GABRA6: variants seen among roughly 807,000 people sequenced by gnomAD.
GABRA6 encodes gamma-aminobutyric acid type A receptor subunit alpha6, also known as gamma-aminobutyric acid receptor subunit alpha-6.
Under a neutral mutation model 47.3 loss-of-function variants are expected in GABRA6, and 45 were observed. The ratio of observed to expected loss-of-function variants is 0.95; its 90% confidence interval spans 0.75 to 1.22. GABRA6 has a LOEUF of 1.22. Among genes scored for constraint, GABRA6 ranks in the 50% most tolerant of loss-of-function variants. GABRA6 has a pLI of 0.00. For synonymous variants in GABRA6, 219 were observed against 194.7 expected (o/e 1.12, Z -1.04); for missense variants, 583 against 549.3 (o/e 1.06, Z -0.61).
chr5:161,690,910 T>C lies in GABRA6; in HGVS notation c.826+557T>C, dbSNP rs558519952. ...CAGTGTTTTTCCTGGGTTTAATGTT[T>C]ATAAATTTAGTAGTCTCTAAGATAG... On this transcript the variant is annotated intron_variant, in intron 7 of 8. Coordinates refer to ENST00000274545, the MANE Select transcript of GABRA6 (RefSeq NM_000811.3). 3.9e-5 allele frequency among the ~76,000 whole-genome samples: 6 copies of C among 152,292 alleles called. No individual in the cohort carries two copies. The South Asian group carries it at 1.0e-3, about 26-fold the overall frequency.
At chr5:161,698,132 A>C (rs1754916790) in intron 8 of GABRA6, among the ~76,000 whole-genome samples, 2 of 152,148 alleles carry the variant, frequency 1.3e-5, no homozygotes, top group Admixed American at 1.3e-4. Context: ...GCATTTGTTT[A>C]TTAAAGAAAT....
At chr5:161,696,898 T>C (rs1754896733) in intron 8 of GABRA6, among the ~76,000 whole-genome samples, 1 of 152,212 alleles carries the variant, frequency 6.6e-6, no homozygotes, top group African/African-American at 2.4e-5. Context: ...AACAAATGCT[T>C]GGTTGATCCC....
chr5:161,692,275 T>G lies in GABRA6; in HGVS notation c.1086+75T>G, dbSNP rs920562311. ...AAATAGTGATCAGAAACAACGAAAG[T>G]GTCCAAAAGTAATGTGAGTTGAGCA... On this transcript the variant is annotated intron_variant, in intron 8 of 8. Transcript: ENST00000274545. The G allele has an allele frequency of 2.5e-6, 4 of 1,570,722 alleles. No homozygotes were observed. In the African/African-American group the frequency reaches 5.4e-5, roughly 21 times the overall value.
Position 161,701,824 on chromosome 5 carries a change from A to G in GABRA6, c.*51A>G. ...TATAAGTTCTTGTTTTCTGTTTCCT[A>G]TGTTTTCTTAAAAAATAGCATTGAG... On this transcript the variant is annotated 3_prime_UTR_variant, in exon 9 of 9. Coordinates refer to ENST00000274545, the MANE Select transcript of GABRA6 (RefSeq NM_000811.3). 6.3e-7 allele frequency: 1 copy of G among 1,591,622 alleles called. No individual in the cohort carries two copies. The highest frequency in any genetic ancestry group is 8.6e-7 in the Non-Finnish European group (1 of 1,160,508).
Position 161,701,595 on chromosome 5 carries a change from C to G in GABRA6, c.1184C>G (p.Pro395Arg). The G allele has an allele frequency of 1.9e-6, 3 of 1,614,106 alleles. No homozygotes were observed. Among genetic ancestry groups the G allele is most frequent in the Non-Finnish European group, 2.5e-6 (3 of 1,180,022 alleles). Residue 395 changes from proline (P) to arginine (R), a missense_variant, in exon 9 of 9, where the codon CCC becomes CGC. Physicochemically the swap from Pro to Arg is moderately radical, Grantham distance 103 (BLOSUM62 -2). Coordinates refer to ENST00000274545, the MANE Select transcript of GABRA6 (RefSeq NM_000811.3). ...GCCAATAAAGTGCTCACGAGAGCGCCCATCTTACAATCAACACCTGTCACA... is the reference window on the plus strand; with the variant it reads ...GCCAATAAAGTGCTCACGAGAGCGCGCATCTTACAATCAACACCTGTCACA... ...SEANKVLTRAPILQSTPVTPP... is the reference protein window; with the variant it reads ...SEANKVLTRARILQSTPVTPP...
chr5:161,702,366 A>G lies in GABRA6; in HGVS notation c.*593A>G, dbSNP rs955731907. Reference sequence around the variant, plus strand: ...GTGTTTGTATACATATAAATTATACATAGCTCATAAATTATGTATGCATAT... The same window carrying G: ...GTGTTTGTATACATATAAATTATACGTAGCTCATAAATTATGTATGCATAT... On this transcript the variant is annotated 3_prime_UTR_variant, in exon 9 of 9. Transcript: ENST00000274545. The G allele has an allele frequency of 2.6e-5, 4 of 155,236 alleles. No homozygotes were observed. Among genetic ancestry groups the G allele is most frequent in the African/African-American group, 9.6e-5 (4 of 41,584 alleles). 9.6% of individuals were successfully genotyped at this position (155,236 alleles called of 1,614,324 possible).
intron 7 of GABRA6, among the ~76,000 whole-genome samples, chr5:161,691,522 G>T (rs925463248): frequency 6.6e-6 from 1 of 151,372 alleles, no homozygotes; most frequent in Non-Finnish European, 1.5e-5. Context: ...GAATGGTCTC[G>T]ATCTCCTGAC....
rs1754800131 is a variant in GABRA6, at chr5:161,691,967, A to G, written c.853A>G (p.Thr285Ala). Residue 285 changes from threonine to alanine, a missense_variant, in exon 8 of 9, where the codon ACT becomes GCT. By Grantham distance (58) the Thr-to-Ala change is moderately conservative. Coordinates refer to ENST00000274545, the MANE Select transcript of GABRA6 (RefSeq NM_000811.3). ...GATCACCACTGTTTTAACTATGACC[A>G]CTTTGAGCATCAGTGCCCGGCACTC... is the stretch of plus-strand genomic sequence containing the variant. Reference protein sequence around the residue: ...FGITTVLTMTTLSISARHSLP... With the variant: ...FGITTVLTMTALSISARHSLP... 1 of 1,613,922 alleles carries G rather than the reference A, an allele frequency of 6.2e-7. No individual in the cohort carries two copies. The highest frequency in any genetic ancestry group is 1.3e-5 in the African/African-American group (1 of 75,050).
rs267600527 is a variant in GABRA6 at position 161,690,229 on chromosome 5, C to T, written c.702C>T (p.Phe234=). 2 of 1,613,656 alleles carry T rather than the reference C, an allele frequency of 1.2e-6. No individual in the cohort carries two copies. The highest frequency in any genetic ancestry group is 1.7e-6 in the Non-Finnish European group (2 of 1,179,690). ...AATACGTTATAATGACAGTTTACTT[C>T]CACTTGCAAAGGAAGATGGGCTACT... The part of the protein sequence containing the change: ...TGEYVIMTVY[F]HLQRKMGYFM... The change falls in exon 7 of 9, where the codon TTC becomes TTT. Residue 234 remains phenylalanine (F), a synonymous_variant. Coordinates refer to ENST00000274545, the MANE Select transcript of GABRA6 (RefSeq NM_000811.3).
At chr5:161,699,184 T>G (rs1754935496) in intron 8 of GABRA6, among the ~76,000 whole-genome samples, 3 of 152,182 alleles carry the variant, frequency 2.0e-5, no homozygotes, top group Admixed American at 2.0e-4. Context: ...AAAAACATGT[T>G]TCAGACAGAT....
Position 161,689,002 on chromosome 5 carries a change from G to A in GABRA6, c.279G>A (p.Lys93=), listed in dbSNP as rs745960182. Residue 93 remains lysine (K), a synonymous_variant, in exon 4 of 9, where the codon AAG becomes AAA. Transcript: ENST00000274545. ...FRQTWTDERL[K]FGGPTEILSL... ...AGACCTGGACTGATGAGAGGTTGAA[G>A]TTTGGGGGGCCAACTGAGATTCTGA... The A allele has an allele frequency of 1.5e-5, 24 of 1,614,052 alleles. No individual in the cohort carries two copies. The South Asian group carries it at 2.5e-4, about 17-fold the overall frequency.
Position 161,701,755 on chromosome 5 carries a change from C to T in GABRA6, c.1344C>T (p.Val448=), listed in dbSNP as rs4277944. Reference sequence around the variant, plus strand: ...ATCTTTCCAAAGATACAATGGAAGTCAGTAGCAGTGTTGAATAGCTTGCGG... The same window carrying T: ...ATCTTTCCAAAGATACAATGGAAGTTAGTAGCAGTGTTGAATAGCTTGCGG... ...VVYLSKDTME[V]SSSVE Residue 448 remains valine, a synonymous_variant, in exon 9 of 9, where the codon GTC becomes GTT. Coordinates refer to ENST00000274545, the MANE Select transcript of GABRA6 (RefSeq NM_000811.3). The T allele has an allele frequency of 4.3e-6, 7 of 1,614,044 alleles. No homozygotes were observed. The African/African-American group carries it at 9.3e-5, about 22-fold the overall frequency.
At chr5:161,691,748 C>A (rs1026607927) in intron 7 of GABRA6, among the ~76,000 whole-genome samples, 193 bp from the exon 8 acceptor site, 13 of 151,936 alleles carry the variant, frequency 8.6e-5, no homozygotes, top group African/African-American at 3.1e-4. Flanking sequence ...TATGTCACTT[C>A]ACTAAATATT....
intron 3 of GABRA6, among the ~76,000 whole-genome samples, chr5:161,688,184 A>G (rs1026245102): frequency 2.6e-5 from 4 of 152,212 alleles, no homozygotes; most frequent in African/African-American, 9.6e-5. Context: ...TATTTTTAAA[A>G]TGTAATCACT....
chr5:161,692,407 ATTC>A (rs1754810200), intron 8 of GABRA6, among the ~76,000 whole-genome samples: 1 of 152,210 alleles, frequency 6.6e-6, no homozygotes, highest in South Asian at 2.1e-4. Context: ...AACTTTGGGC[ATTC>A]TTCTTTCATC....
intron 8 of GABRA6, among the ~76,000 whole-genome samples, chr5:161,698,746 T>C (rs964733419): frequency 1.3e-5 from 2 of 152,162 alleles, no homozygotes; most frequent in Admixed American, 1.3e-4. Flanking sequence ...GCTATGAAAC[T>C]GTAATCTAGG....
chr5:161,701,893 C>A lies in GABRA6; in HGVS notation c.*120C>A. On this transcript the variant is annotated 3_prime_UTR_variant, in exon 9 of 9. Transcript: ENST00000274545. ...CAGAACATGAAATCAAATTGGAAAT[C>A]TGTAACGCAGCTTCCGTAAGCATGT... The A allele has an allele frequency of 2.7e-6, 3 of 1,105,026 alleles. No homozygotes were observed. The South Asian group carries it at 3.9e-5, about 14-fold the overall frequency. 68.5% of individuals were successfully genotyped at this position (1,105,026 alleles called of 1,614,324 possible). A position where few individuals can be genotyped will look rare whatever the true frequency, so the allele number is the denominator to read the frequency against.
At chr5:161,689,192 T>C (rs2113069971) in intron 4 of GABRA6, 23 bp downstream of exon 4, 4 of 1,612,302 alleles carry the variant, frequency 2.5e-6, no homozygotes, top group South Asian at 1.1e-5. Context: ...CAATTCTATT[T>C]CCCCTGCCTA....
chr5:161,700,308 G>T (rs1754959090), intron 8 of GABRA6, among the ~76,000 whole-genome samples: 2 of 152,194 alleles, frequency 1.3e-5, no homozygotes, highest in Non-Finnish European at 2.9e-5. Context: ...TGATTTTGCT[G>T]CCAGCAAGGA....
Sources: gnomAD v4.1 joint callset for allele counts (sites outside exome capture counted in the v4.1 genomes callset) on GRCh38, gnomAD v4.1.1 for gene constraint, MANE v1.5 for transcripts, NCBI Gene and HGNC (gene_info 2026-07-23, HGNC 2026-07-21) for gene names.